Variants in BTG4 observed in about 807,000 individuals in gnomAD.
BTG4 encodes protein BTG4.
Under a neutral mutation model 19.3 loss-of-function variants are expected in BTG4, and 10 were observed. That is an observed-to-expected ratio of 0.52 (90% CI 0.32 to 0.88). The LOEUF is 0.88. Ranked by LOEUF, BTG4 falls within the 40% of genes least tolerant of loss-of-function variation. BTG4 has a pLI of 0.04. For missense variants in BTG4, 238 were observed against 281.9 expected, an observed-to-expected ratio of 0.84 and a Z score of 1.11; for synonymous variants, 91 against 95.7, an observed-to-expected ratio of 0.95 and a Z score of 0.29.
the BTG4 span, among the ~76,000 whole-genome samples, chr11:111,454,647 T>G: frequency 6.6e-6 from 1 of 152,198 alleles, no homozygotes; most frequent in Non-Finnish European, 1.5e-5. Context: ...TAGTCCTCGG[T>G]AGCCCAACTA....
At chr11:111,475,220 A>T (rs669790) in intron 5 of BTG4, 147,297 of 152,578 alleles carry the variant, frequency 0.97, 71,311 homozygotes, top group Middle Eastern at 1. Flanking sequence ...TCATGGTAAA[A>T]CACATAAATG....
the BTG4 span, among the ~76,000 whole-genome samples, chr11:111,425,024 G>A: frequency 3.3e-5 from 5 of 152,152 alleles, no homozygotes; most frequent in Non-Finnish European, 5.9e-5. Flanking sequence ...AAACTGCCAT[G>A]GCAGTTTAGA....
the BTG4 span, among the ~76,000 whole-genome samples, chr11:111,389,816 C>T: frequency 6.6e-6 from 1 of 152,050 alleles, no homozygotes; most frequent in Non-Finnish European, 1.5e-5. Flanking sequence ...TAATGTGTCC[C>T]ACAACTAGAC....
chr11:111,486,272 A>C (rs1865055738), intron 5 of BTG4, among the ~76,000 whole-genome samples: 1 of 152,138 alleles, frequency 6.6e-6, no homozygotes. Context: ...CCCCATCTCT[A>C]CAAAAACTCA....
the BTG4 span, among the ~76,000 whole-genome samples, chr11:111,404,040 G>A: frequency 4.6e-5 from 7 of 152,134 alleles, no homozygotes; most frequent in Non-Finnish European, 1.0e-4. Context: ...CTTGTGGGAG[G>A]GGACCCAGTG....
chr11:111,420,624 G>A, the BTG4 span, among the ~76,000 whole-genome samples: 12 of 152,274 alleles, frequency 7.9e-5, no homozygotes, highest in Admixed American at 7.2e-4. Flanking sequence ...CCCTGTAATG[G>A]GTAAGAACAA....
chr11:111,409,347 G>T, the BTG4 span, among the ~76,000 whole-genome samples: 3 of 152,172 alleles, frequency 2.0e-5, no homozygotes, highest in Non-Finnish European at 4.4e-5. Context: ...AGTCATAGGG[G>T]GATCGCTTGT....
At chr11:111,503,580 TC>T (rs143130818) in intron 1 of BTG4, among the ~76,000 whole-genome samples, 8,668 of 152,154 alleles carry the variant, frequency 0.057, 343 homozygotes, top group Non-Finnish European at 0.086. Flanking sequence ...AGGATGGTGT[TC>T]TGTTTGGGTG....
intron 1 of BTG4, among the ~76,000 whole-genome samples, chr11:111,507,568 T>C (rs1866545147): frequency 6.6e-6 from 1 of 152,188 alleles, no homozygotes. Context: ...CTGCTGCCTA[T>C]GGCTAATTCT....
the BTG4 span, among the ~76,000 whole-genome samples, chr11:111,443,038 A>G: frequency 6.6e-6 from 1 of 152,240 alleles, no homozygotes; most frequent in Non-Finnish European, 1.5e-5. Flanking sequence ...CCAGGTGATC[A>G]AGGTCAACAC....
chr11:111,399,885 G>T, the BTG4 span, among the ~76,000 whole-genome samples: 16 of 152,196 alleles, frequency 1.1e-4, no homozygotes, highest in Admixed American at 1.3e-4. Context: ...AGGGTGGCGG[G>T]TGTGAGCTGA....
the BTG4 span, among the ~76,000 whole-genome samples, chr11:111,430,558 T>C: frequency 6.6e-6 from 1 of 152,228 alleles, no homozygotes; most frequent in African/African-American, 2.4e-5. Flanking sequence ...TTCTTACCTT[T>C]TAGCTACCTT....
chr11:111,427,289 CCT>C, the BTG4 span, among the ~76,000 whole-genome samples: 1 of 152,170 alleles, frequency 6.6e-6, no homozygotes, highest in Non-Finnish European at 1.5e-5. Flanking sequence ...ACATCACAGA[CCT>C]CTCTGAGCTG....
At chr11:111,419,264 C>T in the BTG4 span, among the ~76,000 whole-genome samples, 1 of 152,206 alleles carries the variant, frequency 6.6e-6, no homozygotes, top group Non-Finnish European at 1.5e-5. Flanking sequence ...AGAGAAGTGC[C>T]AGTGAGTCCC....
At chr11:111,469,517 C>T (rs768148852) in intron 5 of BTG4, among the ~76,000 whole-genome samples, 1 of 152,132 alleles carries the variant, frequency 6.6e-6, no homozygotes, top group Non-Finnish European at 1.5e-5. Flanking sequence ...TCAGATTTCC[C>T]GTGGCAGCAT....
chr11:111,455,093 G>A, the BTG4 span: 1 of 454,866 alleles, frequency 2.2e-6, no homozygotes, highest in South Asian at 1.6e-5. Flanking sequence ...CAGCAGGTGG[G>A]CTTGGTTCAC....
intron 1 of BTG4, among the ~76,000 whole-genome samples, chr11:111,507,562 T>C (rs573268018): frequency 1.6e-4 from 24 of 152,330 alleles, no homozygotes; most frequent in African/African-American, 5.8e-4. Context: ...AATCATCTGC[T>C]GCCTATGGCT....
chr11:111,409,076 G>A, the BTG4 span, among the ~76,000 whole-genome samples: 2 of 152,308 alleles, frequency 1.3e-5, no homozygotes, highest in Admixed American at 1.3e-4. Context: ...GGAAGAGATG[G>A]GAATGGGTGT....
intron 5 of BTG4, among the ~76,000 whole-genome samples, chr11:111,472,885 T>C (rs996793264): frequency 6.6e-6 from 1 of 152,186 alleles, no homozygotes; most frequent in Admixed American, 6.5e-5. Flanking sequence ...CCTGATGCAA[T>C]ATACTGAAAC....
Sources: gnomAD v4.1 joint callset for allele counts (sites outside exome capture counted in the v4.1 genomes callset) on GRCh38, gnomAD v4.1.1 for gene constraint, MANE v1.5 for transcripts, NCBI Gene and HGNC (gene_info 2026-07-23, HGNC 2026-07-21) for gene names.